The following SYBU variants were observed in gnomAD, a reference collection of about 807,000 sequenced individuals.
The protein encoded by SYBU is GOLSYN A protein.
A neutral mutation model predicts 35.9 loss-of-function variants in SYBU; 21 were observed. That is an observed-to-expected ratio of 0.58 (90% CI 0.41 to 0.84). The LOEUF is 0.84. SYBU is among the 40% of genes least tolerant of loss of function. The pLI, the probability that SYBU is intolerant of heterozygous loss-of-function variation, is 0.00. For missense variants in SYBU, 768 were observed against 848.2 expected, an observed-to-expected ratio of 0.91 and a Z score of 1.17; for synonymous variants, 319 against 324.3, an observed-to-expected ratio of 0.98 and a Z score of 0.18.
rs192648324 is a variant in SYBU, at chr8:109,669,552, A to G, written c.-129+11159T>C. Among the ~76,000 whole-genome samples, 902 of 152,238 alleles carry G rather than the reference A, an allele frequency of 5.9e-3. 6 individuals are homozygous for G. Among genetic ancestry groups the G allele is most frequent in the African/African-American group, 0.021 (854 of 41,542 alleles). On this transcript the variant is annotated intron_variant, in intron 1 of 5. Transcript: ENST00000408889. ...CTATGTCAGGTTTGGTTCAAACACT[A>G]TATGTTTTAATATCTGGAGTGCAAG...
chr8:109,675,757 G>A lies in SYBU; in HGVS notation c.-129+4954C>T, dbSNP rs191893983. On this transcript the variant is annotated intron_variant, in intron 1 of 5. Coordinates refer to the SYBU transcript ENST00000408889. ...CCTTCTGAAATCATTCCAAACAATA[G>A]AAAAACAGGGACTCCTCCCTAACTC... Among the ~76,000 whole-genome samples, 1,358 of 152,194 alleles carry A rather than the reference G, an allele frequency of 8.9e-3. 27 individuals carry two copies. The highest frequency in any genetic ancestry group is 0.031 in the African/African-American group (1,304 of 41,526).
chr8:109,586,077 C>T lies in SYBU; in HGVS notation c.513G>A (p.Arg171=), dbSNP rs755006133. 3 of 1,610,762 alleles carry T rather than the reference C, an allele frequency of 1.9e-6. No homozygotes were observed. Among genetic ancestry groups the T allele is most frequent in the East Asian group, 4.5e-5 (2 of 44,832 alleles). ...EVHMSTAGSK[R]SSSSRNRGPH... ...GTGCCTACTTGCGTGAAGAAGAAGA[C>T]CGCTTGCTTCCCGCAGTCGACATAT... The change falls in exon 4 of 7, where the codon CGG becomes CGA. Residue 171 remains arginine, a synonymous_variant. Transcript: ENST00000276646.
rs2130795695 is a variant in SYBU, at chr8:109,691,135, G to A, written c.-58+198C>T. Among the ~76,000 whole-genome samples, 1 of 152,280 alleles carries A rather than the reference G, an allele frequency of 6.6e-6. No individual in the cohort carries two copies. The highest frequency in any genetic ancestry group is 2.1e-4 in the South Asian group (1 of 4,824). On this transcript the variant is annotated intron_variant, in intron 1 of 7. Coordinates refer to the SYBU transcript ENST00000422135. This position sits in a 1 kb window ranked among gnomAD's most constrained non-coding sequence, Gnocchi z 4.7. ...GCCTTTCCCTTGGCCTCCATGTGCT[G>A]AGAGTGCCCTTGATTCCCCATTTTC...
intron 3 of SYBU, among the ~76,000 whole-genome samples, chr8:109,602,771 C>T (rs1825680262): frequency 6.6e-6 from 1 of 152,052 alleles, no homozygotes; most frequent in East Asian, 1.9e-4. Context: ...TACAATAAAA[C>T]AAATAAGCTG....
chr8:109,591,138 G>A (rs563935903), intron 3 of SYBU, among the ~76,000 whole-genome samples: 1 of 152,310 alleles, frequency 6.6e-6, no homozygotes, highest in African/African-American at 2.4e-5. Flanking sequence ...CTCCGCCATC[G>A]TGAAAAGGAG....
chr8:109,655,991 C>T (rs533797176), intron 1 of SYBU, among the ~76,000 whole-genome samples: 1 of 152,082 alleles, frequency 6.6e-6, no homozygotes, highest in Non-Finnish European at 1.5e-5. Context: ...TGACATGTGC[C>T]TGTAATCTCA....
intron 3 of SYBU, chr8:109,607,770 A>C: frequency 2.0e-6 from 1 of 489,972 alleles, no homozygotes; most frequent in Non-Finnish European, 3.6e-6. Context: ...GAAGATGAAA[A>C]CTTGTTTTAG....
intron 1 of SYBU, among the ~76,000 whole-genome samples, chr8:109,669,620 T>C (rs910447975): frequency 2.0e-5 from 3 of 152,196 alleles, no homozygotes; most frequent in Non-Finnish European, 4.4e-5. Context: ...AATGCTTCTT[T>C]GGGTTGATTC....
At chr8:109,645,626 G>GTTGTTT, upstream of SYBU, 1 of 243,522 alleles carries the variant, frequency 4.1e-6, no homozygotes, top group East Asian at 1.0e-4. Flanking sequence ...TTGTTGTTTC[G>GTTGTTT]TTTTTTGTTT....
upstream of SYBU, among the ~76,000 whole-genome samples, chr8:109,682,795 A>G (rs1449761226): frequency 6.6e-6 from 1 of 152,142 alleles, no homozygotes; most frequent in East Asian, 1.9e-4. Context: ...AGTAGGAAAA[A>G]AAGGTTTCAT....
intron 1 of SYBU, among the ~76,000 whole-genome samples, chr8:109,680,540 C>A (rs1350716099): frequency 1.8e-5 from 1 of 54,916 alleles, no homozygotes; most frequent in African/African-American, 1.6e-4. Context: ...TAAATTTTCT[C>A]CCGATCATTT....
At chr8:109,622,240 CTATCTTTT>C (rs1468404017) in intron 2 of SYBU, among the ~76,000 whole-genome samples, 1 of 147,832 alleles carries the variant, frequency 6.8e-6, no homozygotes, top group Non-Finnish European at 1.5e-5. Context: ...ATCTATCTAT[CTATCTTTT>C]TAAGACAGAG....
chr8:109,688,979 C>T (rs907246522), intron 1 of SYBU, among the ~76,000 whole-genome samples: 1 of 151,920 alleles, frequency 6.6e-6, no homozygotes, highest in Non-Finnish European at 1.5e-5. Context: ...TTTTAAATAT[C>T]AATAAAGTTA....
At chr8:109,591,506 ATTTTT>A (rs1047402673) in intron 3 of SYBU, among the ~76,000 whole-genome samples, 35 of 100,918 alleles carry the variant, frequency 3.5e-4, no homozygotes, top group African/African-American at 1.3e-3. Flanking sequence ...AAAAATGTAA[ATTTTT>A]TTTTTTTTTT....
intron 1 of SYBU, chr8:109,680,160 T>A (rs1433503559): frequency 6.6e-6 from 1 of 152,252 alleles, no homozygotes; most frequent in Admixed American, 6.5e-5. Flanking sequence ...TTAAAATGTT[T>A]CTAGATCAAG....
At chr8:109,655,685 T>C (rs1199194584) in intron 1 of SYBU, among the ~76,000 whole-genome samples, 1 of 152,218 alleles carries the variant, frequency 6.6e-6, no homozygotes, top group Admixed American at 6.5e-5. Flanking sequence ...ATTTTTAGTA[T>C]TAAAATAGAA....
At chr8:109,586,609 A>G (rs1436664659) in intron 3 of SYBU, 2 of 155,474 alleles carry the variant, frequency 1.3e-5, no homozygotes, top group Non-Finnish European at 1.4e-5. Flanking sequence ...CAATTTGGCA[A>G]GTTAGGTTTG....
At chr8:109,639,163 G>A (rs1814573241) in intron 2 of SYBU, among the ~76,000 whole-genome samples, 1 of 152,148 alleles carries the variant, frequency 6.6e-6, no homozygotes, top group South Asian at 2.1e-4. Flanking sequence ...TGAGGGTGGA[G>A]TAGAGAAAAC....
At chr8:109,641,379 A>G (rs1406115266) in intron 2 of SYBU, among the ~76,000 whole-genome samples, 2 of 152,260 alleles carry the variant, frequency 1.3e-5, no homozygotes, top group Non-Finnish European at 2.9e-5. Flanking sequence ...GGTACCGTGT[A>G]AGGTGAACAT....
Sources: gnomAD v4.1 joint callset for allele counts (sites outside exome capture counted in the v4.1 genomes callset) on GRCh38, gnomAD v4.1.1 for gene constraint, Gnocchi (gnomAD v3.1) non-coding constraint, MANE v1.5 for transcripts, NCBI Gene and HGNC (gene_info 2026-07-23, HGNC 2026-07-21) for gene names.